ZW10: variants seen among roughly 807,000 people sequenced by gnomAD.
ZW10 encodes zw10 kinetochore protein, also known as centromere/kinetochore protein zw10 homolog.
ZW10 carries 53 observed loss-of-function variants against 87.8 expected under a neutral mutation model. The ratio of observed to expected loss-of-function variants is 0.60; its 90% confidence interval spans 0.48 to 0.76. The LOEUF (loss-of-function observed/expected upper bound fraction) is 0.76, where lower values mean the gene tolerates loss of function less well. Ranked by LOEUF, ZW10 falls within the 30% of genes least tolerant of loss-of-function variation. The pLI, the probability that ZW10 is intolerant of heterozygous loss-of-function variation, is 0.00. For synonymous variants in ZW10, 312 were observed against 329.2 expected (o/e 0.95, Z 0.57); for missense variants, 837 against 923.0 (o/e 0.91, Z 1.21).
chr11:113,754,949 G>A (rs1427981670), intron 7 of ZW10, among the ~76,000 whole-genome samples: 1 of 152,030 alleles, frequency 6.6e-6, no homozygotes, highest in Non-Finnish European at 1.5e-5. Context: ...CCAATAGCAT[G>A]GTTTACTGAA....
rs373469690 is a variant in ZW10, at chr11:113,748,242, G to A, written c.1089+15C>T. The A allele has an allele frequency of 4.4e-6, 7 of 1,601,802 alleles. No individual in the cohort carries two copies. In the African/African-American group the frequency reaches 9.4e-5, roughly 22 times the overall value. On this transcript the variant is annotated intron_variant, in intron 8 of 15. Coordinates refer to ENST00000200135, the MANE Select transcript of ZW10 (RefSeq NM_004724.4). Reference sequence around the variant, plus strand: ...ACAGTGTCTTAAAACCTTCTGTGCTGTCTGGGCTCTTTACCTCTTCATATT... The same window carrying A: ...ACAGTGTCTTAAAACCTTCTGTGCTATCTGGGCTCTTTACCTCTTCATATT...
Position 113,758,680 on chromosome 11 carries a change from G to C in ZW10, c.607C>G (p.Gln203Glu). ...KDTSSLESYL[Q>E]TELHLYTEQS... Reference sequence around the variant, plus strand: ...TCAGTGTATAAATGAAGTTCAGTTTGTAGGTAAGATTCCAAACTGCTGGTA... The same window carrying C: ...TCAGTGTATAAATGAAGTTCAGTTTCTAGGTAAGATTCCAAACTGCTGGTA... The change falls in exon 6 of 16, where the codon CAA (glutamine) becomes GAA (glutamate). Residue 203 changes from glutamine (Q) to glutamate (E), a missense_variant. Transcript: ENST00000200135. 1.2e-6 allele frequency: 2 copies of C among 1,614,066 alleles called. No individual in the cohort carries two copies. The highest frequency in any genetic ancestry group is 1.7e-6 in the Non-Finnish European group (2 of 1,180,022).
In ZW10 at chr11:113,739,371, T is replaced by C. The variant is rs75510745; in HGVS notation, c.1595A>G (p.Gln532Arg). The change falls in exon 12 of 16, where the codon CAA becomes CGA. Residue 532 changes from glutamine (Q) to arginine (R), a missense_variant. Gln to Arg is a conservative substitution (Grantham distance 43). Transcript: ENST00000200135. ...VVPTYHKENL[Q>R]KLPQLAAIHH... is the part of the protein sequence containing the mutation. Reference sequence around the variant, plus strand: ...AATAGCAGCCAACTGGGGAAGTTTTTGAAGGTTCTCCCTAGGCCAGAAGGA... The same window carrying C: ...AATAGCAGCCAACTGGGGAAGTTTTCGAAGGTTCTCCCTAGGCCAGAAGGA... 6.4e-4 allele frequency: 1,034 copies of C among 1,605,596 alleles called. 8 individuals carry two copies. The African/African-American group carries it at 0.011, about 17-fold the overall frequency.
At chr11:113,741,535 A>T (rs143879464) in intron 11 of ZW10, among the ~76,000 whole-genome samples, 159 bp downstream of exon 11, 2 of 152,352 alleles carry the variant, frequency 1.3e-5, no homozygotes, top group African/African-American at 4.8e-5. Context: ...AAATGACCAA[A>T]TCCTTTAAAT....
In ZW10 at chr11:113,768,903, T is replaced by C. The variant is rs766755872; in HGVS notation, c.170A>G (p.Gln57Arg). The C allele has an allele frequency of 6.2e-7, 1 of 1,614,184 alleles. No homozygotes were observed. The highest frequency in any genetic ancestry group is 8.5e-7 in the Non-Finnish European group (1 of 1,179,998). Reference sequence around the variant, plus strand: ...CTTATCCACCTGGGTAATCAGGCCCTGCGCGCTCTGCATGCTAGGCAGGAA... The same window carrying C: ...CTTATCCACCTGGGTAATCAGGCCCCGCGCGCTCTGCATGCTAGGCAGGAA... ...SEFLPSMQSA[Q>R]GLITQVDKLS... is the part of the protein sequence containing the mutation. The change falls in exon 2 of 16, where the codon CAG becomes CGG. Residue 57 changes from glutamine (Q) to arginine (R), a missense_variant. Gln to Arg is a conservative substitution (Grantham distance 43, BLOSUM62 1). Transcript: ENST00000200135.
In ZW10 at chr11:113,769,047, A is replaced by C. The variant is rs1186678744; in HGVS notation, c.106-80T>G. On this transcript the variant is annotated intron_variant, in intron 1 of 15. Coordinates refer to ENST00000200135, the MANE Select transcript of ZW10 (RefSeq NM_004724.4). ...AATAAGAATATATTCATCTTCCACA[A>C]GGCATTTTCCATGTTAGAACCTTCT... 6.1e-6 allele frequency: 9 copies of C among 1,465,034 alleles called. No individual in the cohort carries two copies. In the East Asian group the frequency reaches 1.8e-4, roughly 30 times the overall value. The allele number at this position is 1,465,034 out of a possible 1,614,324, so 90.8% of individuals were successfully genotyped here.
intron 7 of ZW10, among the ~76,000 whole-genome samples, chr11:113,751,627 G>A (rs112280294): frequency 0.085 from 12,920 of 152,218 alleles, 594 homozygotes; most frequent in Middle Eastern, 0.16. Context: ...TGTAATCCCC[G>A]CACTTTGGGA....
chr11:113,750,561 C>A (rs1040665735), intron 7 of ZW10, among the ~76,000 whole-genome samples: 3 of 152,158 alleles, frequency 2.0e-5, no homozygotes, highest in Non-Finnish European at 2.9e-5. Context: ...GCCTTGGCCT[C>A]CCAAAGTGCT....
chr11:113,757,593 A>C, intron 7 of ZW10, 69 bp downstream of exon 7: 2 of 1,185,272 alleles, frequency 1.7e-6, no homozygotes, highest in Non-Finnish European at 2.2e-6. Context: ...TCTACTTTAA[A>C]ATAATATTTA....
intron 7 of ZW10, among the ~76,000 whole-genome samples, chr11:113,756,494 C>A (rs1377487158): frequency 6.6e-6 from 1 of 152,134 alleles, no homozygotes; most frequent in Non-Finnish European, 1.5e-5. Flanking sequence ...TATATTGTGA[C>A]AAACTTTTAA....
rs2513584 is a variant in ZW10, at chr11:113,748,246, G to C, written c.1089+11C>G. 1,600,016 of 1,602,152 alleles carry C rather than the reference G, an allele frequency of 1. 798,969 individuals carry two copies. Among genetic ancestry groups the C allele is most frequent in the East Asian group, 1 (44,662 of 44,662 alleles). ...TGTCTTAAAACCTTCTGTGCTGTCT[G>C]GGCTCTTTACCTCTTCATATTGCTG... On this transcript the variant is annotated intron_variant, in intron 8 of 15. Coordinates refer to ENST00000200135, the MANE Select transcript of ZW10 (RefSeq NM_004724.4).
In ZW10 at chr11:113,737,684, C is replaced by T. The variant is rs761806981; in HGVS notation, c.1904G>A (p.Arg635Lys). ...AVRQVLHQLK[R>K]LGIVWQDVLP... ...GACATCCTGCCACACAATTCCAAGTCTCTTTAGTTGGTGCAGTACCTGTAG... is the reference window on the plus strand; with the variant it reads ...GACATCCTGCCACACAATTCCAAGTTTCTTTAGTTGGTGCAGTACCTGTAG... The change falls in exon 14 of 16, where the codon AGA becomes AAA. Residue 635 changes from arginine to lysine, a missense_variant. By Grantham distance (26) the Arg-to-Lys change is conservative. Coordinates refer to ENST00000200135, the MANE Select transcript of ZW10 (RefSeq NM_004724.4). 8.7e-6 allele frequency: 14 copies of T among 1,612,872 alleles called. No homozygotes were observed. In the Admixed American group the frequency reaches 1.7e-4, roughly 19 times the overall value.
At chr11:113,746,669 T>C (rs1022018518) in intron 9 of ZW10, among the ~76,000 whole-genome samples, 1 of 152,066 alleles carries the variant, frequency 6.6e-6, no homozygotes, top group African/African-American at 2.4e-5. Context: ...TTTTAAGTGA[T>C]CAGAAAGTAC....
chr11:113,735,459 T>A (rs1220367642), intron 15 of ZW10, among the ~76,000 whole-genome samples: 2 of 150,848 alleles, frequency 1.3e-5, no homozygotes, highest in South Asian at 4.2e-4. Flanking sequence ...CAAGCAGAGA[T>A]CTCATTGACA....
chr11:113,743,664 T>A (rs540423703), intron 10 of ZW10, 138 bp downstream of exon 10: 1 of 733,126 alleles, frequency 1.4e-6, no homozygotes, highest in East Asian at 2.5e-5. Context: ...TTGTTTTGTT[T>A]TGTTTTGTTT....
chr11:113,752,640 C>T (rs1242408826), intron 7 of ZW10, among the ~76,000 whole-genome samples: 4 of 152,172 alleles, frequency 2.6e-5, no homozygotes, highest in Admixed American at 2.6e-4. Flanking sequence ...ATGAACCACT[C>T]ATGTAAGACA....
intron 7 of ZW10, among the ~76,000 whole-genome samples, chr11:113,751,737 G>A (rs1953736499): frequency 6.6e-6 from 1 of 152,104 alleles, no homozygotes; most frequent in African/African-American, 2.4e-5. Context: ...GCCGGACGTG[G>A]TGGCATGCAC....
chr11:113,765,611 G>C (rs1953901122), intron 2 of ZW10, among the ~76,000 whole-genome samples: 1 of 152,162 alleles, frequency 6.6e-6, no homozygotes, highest in South Asian at 2.1e-4. Context: ...ATATCACTCA[G>C]TGACTCTCAG....
Position 113,760,271 on chromosome 11 carries a change from A to G in ZW10, c.518T>C (p.Ile173Thr), listed in dbSNP as rs201629051. 97 of 1,614,126 alleles carry G rather than the reference A, an allele frequency of 6.0e-5. No individual in the cohort carries two copies. The East Asian group carries it at 2.0e-3, about 33-fold the overall frequency. ...CCACTCTTCTCCAAGGTGATAAAGT[A>G]TGTTCTGTTTCTGTATTGTGAGCTC... ...SMELTIQKQN[I>T]LYHLGEEWQK... Residue 173 changes from isoleucine (I) to threonine (T), a missense_variant, in exon 5 of 16, where the codon ATA (isoleucine) becomes ACA (threonine). Transcript: ENST00000200135.
Sources: allele counts gnomAD v4.1 joint callset (sites outside exome capture counted in the v4.1 genomes callset), GRCh38; gene constraint gnomAD v4.1.1; transcripts MANE v1.5; gene names NCBI Gene and HGNC (gene_info 2026-07-23, HGNC 2026-07-21).